The following CSNK2A2 variants were observed in gnomAD, a reference collection of about 807,000 sequenced individuals.
The protein encoded by CSNK2A2 is casein kinase 2 alpha 2.
In CSNK2A2, 8 loss-of-function variants were observed where a neutral mutation model predicts 54.0. That is an observed-to-expected ratio of 0.15 (90% confidence interval 0.09 to 0.27). The LOEUF (loss-of-function observed/expected upper bound fraction) is 0.27. CSNK2A2 is among the 10% of genes least tolerant of loss of function. The pLI, the probability that CSNK2A2 is intolerant of heterozygous loss-of-function variation, is 1.00. For missense variants in CSNK2A2, 242 were observed against 439.4 expected (o/e 0.55, Z 4.02); for synonymous variants, 141 against 153.9 (o/e 0.92, Z 0.62).
chr16:58,168,422 C>T (rs1023679948), intron 6 of CSNK2A2, among the ~76,000 whole-genome samples, 188 bp downstream of exon 6: 8 of 152,126 alleles, frequency 5.3e-5, no homozygotes, highest in Non-Finnish European at 7.4e-5. Context: ...ATAGTTAAAC[C>T]GTCTACTTTC....
chr16:58,160,796 CTCT>C (rs1406898414), intron 11 of CSNK2A2: 1 of 152,274 alleles, frequency 6.6e-6, no homozygotes, highest in African/African-American at 2.4e-5. Context: ...CCTAGCCACT[CTCT>C]TCAAGTCCCC....
chr16:58,183,910 G>A (rs1014409331), intron 4 of CSNK2A2, among the ~76,000 whole-genome samples: 5 of 152,070 alleles, frequency 3.3e-5, no homozygotes, highest in African/African-American at 7.2e-5. Context: ...GCCTTGTATC[G>A]GTCTATCCCT....
At chr16:58,191,798 T>C (rs747452573) in intron 2 of CSNK2A2, among the ~76,000 whole-genome samples, 4 of 152,208 alleles carry the variant, frequency 2.6e-5, no homozygotes, top group Non-Finnish European at 5.9e-5. Context: ...GACCCAAATG[T>C]AATATTGTTA....
chr16:58,191,489 G>A (rs1209905672), intron 2 of CSNK2A2, among the ~76,000 whole-genome samples: 3 of 152,056 alleles, frequency 2.0e-5, no homozygotes, highest in Non-Finnish European at 4.4e-5. Context: ...AGCTTCCTGA[G>A]TAGCTGGGAT....
rs1408656250 is a variant in CSNK2A2, at chr16:58,178,931, AT to A, written c.370-4422del. On this transcript the variant is annotated intron_variant, in intron 4 of 11. Transcript: ENST00000262506. The stretch of plus-strand genomic sequence containing the variant: ...CGTTCTCTGAACATAGTGCAATCAA[AT>A]TTTTAAAAAATTCACCTGGATTCTG... Among the ~76,000 whole-genome samples, 3 of 152,206 alleles carry A rather than the reference AT, an allele frequency of 2.0e-5. No individual in the cohort carries two copies. In the East Asian group the frequency reaches 5.8e-4, roughly 29 times the overall value.
intron 5 of CSNK2A2, among the ~76,000 whole-genome samples, chr16:58,171,466 T>C (rs1394818000): frequency 6.6e-6 from 1 of 151,916 alleles, no homozygotes; most frequent in African/African-American, 2.4e-5. Flanking sequence ...GAGGTTGCAG[T>C]GAGCCGAGAT....
chr16:58,197,189 G>A lies in CSNK2A2; in HGVS notation c.105-345C>T, dbSNP rs1597129964. The A allele has an allele frequency of 6.4e-6, 2 of 311,382 alleles. No individual in the cohort carries two copies. Among genetic ancestry groups the A allele is most frequent in the East Asian group, 1.3e-4 (2 of 14,926 alleles). The allele number at this position is 311,382 out of a possible 1,614,324, so 19.3% of individuals were successfully genotyped here. ...CTGCTTCTCGTTTCACATCTTCAAG[G>A]TAGACAATGCCTGTTTTAAAAATCT... On this transcript the variant is annotated intron_variant, in intron 1 of 11. Coordinates refer to ENST00000262506, the MANE Select transcript of CSNK2A2 (RefSeq NM_001896.4). This position sits in a 1 kb window ranked among gnomAD's most constrained non-coding sequence, Gnocchi z 4.0.
chr16:58,168,377 T>C (rs963579882), intron 6 of CSNK2A2, among the ~76,000 whole-genome samples: 10 of 152,206 alleles, frequency 6.6e-5, no homozygotes, highest in Non-Finnish European at 8.8e-5. Context: ...CAGAAAACTA[T>C]GACCAAAATA....
At chr16:58,188,380 G>A (rs963598659) in intron 2 of CSNK2A2, among the ~76,000 whole-genome samples, 2 of 152,120 alleles carry the variant, frequency 1.3e-5, no homozygotes, top group African/African-American at 4.8e-5. Context: ...CGAAACTTTG[G>A]GGGAAAAAAG....
At chr16:58,191,935 G>C (rs1962330596) in intron 2 of CSNK2A2, among the ~76,000 whole-genome samples, 1 of 152,186 alleles carries the variant, frequency 6.6e-6, no homozygotes, top group South Asian at 2.1e-4. Context: ...TTAAGTAACT[G>C]TTTGACGTCA....
At chr16:58,181,471 G>A (rs1962040059) in intron 4 of CSNK2A2, among the ~76,000 whole-genome samples, 1 of 152,146 alleles carries the variant, frequency 6.6e-6, no homozygotes, top group Non-Finnish European at 1.5e-5. Flanking sequence ...AGGGGCTGAT[G>A]GTTCTTTAGA....
At chr16:58,193,632 C>T (rs1029889522) in intron 2 of CSNK2A2, among the ~76,000 whole-genome samples, 1 of 152,166 alleles carries the variant, frequency 6.6e-6, no homozygotes, top group African/African-American at 2.4e-5. Context: ...CACACACAGG[C>T]AGTATTCATA....
At chr16:58,193,586 A>C (rs1962366580) in intron 2 of CSNK2A2, among the ~76,000 whole-genome samples, 2 of 152,310 alleles carry the variant, frequency 1.3e-5, no homozygotes, top group East Asian at 3.9e-4. Flanking sequence ...GTTTAATTTG[A>C]AAGATCCCAA....
chr16:58,194,120 G>C (rs1414284991), intron 2 of CSNK2A2, among the ~76,000 whole-genome samples: 1 of 152,164 alleles, frequency 6.6e-6, no homozygotes, highest in African/African-American at 2.4e-5. Context: ...CCTCAAGAAA[G>C]CCACCCTCTA....
At chr16:58,175,099 C>G (rs1961842148) in intron 4 of CSNK2A2, among the ~76,000 whole-genome samples, 1 of 152,184 alleles carries the variant, frequency 6.6e-6, no homozygotes, top group African/African-American at 2.4e-5. Context: ...AAAAAAAGAA[C>G]ATTTCACAGG....
At chr16:58,173,544 A>T (rs1961795781) in intron 5 of CSNK2A2, among the ~76,000 whole-genome samples, 1 of 152,240 alleles carries the variant, frequency 6.6e-6, no homozygotes, top group Non-Finnish European at 1.5e-5. Context: ...CAAAATGATC[A>T]TTCCTCCACC....
chr16:58,197,150 C>G lies in CSNK2A2; in HGVS notation c.105-306G>C. 1 of 360,944 alleles carries G rather than the reference C, an allele frequency of 2.8e-6. No homozygotes were observed. Among genetic ancestry groups the G allele is most frequent in the Non-Finnish European group, 5.2e-6 (1 of 192,888 alleles). 22.4% of individuals were successfully genotyped at this position (360,944 alleles called of 1,614,324 possible). A position where few individuals can be genotyped will look rare whatever the true frequency, so the allele number is the denominator to read the frequency against. ...CCTAGAGGGTGCCCCCTGTGCCCCG[C>G]GGCTCCCCAGCACCTGCTTCTCGTT... On this transcript the variant is annotated intron_variant, in intron 1 of 11. Coordinates refer to ENST00000262506, the MANE Select transcript of CSNK2A2 (RefSeq NM_001896.4). This position sits in a 1 kb window ranked among gnomAD's most constrained non-coding sequence, Gnocchi z 4.0.
intron 3 of CSNK2A2, among the ~76,000 whole-genome samples, chr16:58,185,914 G>C (rs1167145588): frequency 6.6e-6 from 1 of 152,226 alleles, no homozygotes; most frequent in Non-Finnish European, 1.5e-5. Context: ...TGGGCACTTG[G>C]AATGTGCCCA....
In CSNK2A2 at chr16:58,161,534, C is replaced by CACAG. The variant is rs1481950621; in HGVS notation, c.*17+2516_*17+2519dup. 1.2e-4 allele frequency: 16 copies of CACAG among 135,446 alleles called. No individual in the cohort carries two copies. The South Asian group carries it at 3.5e-3, about 29-fold the overall frequency. The allele number at this position is 135,446 out of a possible 1,614,324, so 8.4% of individuals were successfully genotyped here. A position where few individuals can be genotyped will look rare whatever the true frequency, so the allele number is the denominator to read the frequency against. On this transcript the variant is annotated intron_variant, in intron 11 of 11. Transcript: ENST00000262506. ...TAAATATTAGACACACAGACACACA[C>CACAG]ACAGACACACACACAGACACACACA... is the stretch of plus-strand genomic sequence containing the variant.
Sources: allele counts gnomAD v4.1 joint callset (sites outside exome capture counted in the v4.1 genomes callset), GRCh38; gene constraint gnomAD v4.1.1; non-coding constraint Gnocchi (gnomAD v3.1); transcripts MANE v1.5; gene names NCBI Gene and HGNC (gene_info 2026-07-23, HGNC 2026-07-21).